The following NUP98 variants were observed in gnomAD, a reference collection of about 807,000 sequenced individuals.
NUP98 encodes the protein nucleoporin 98 and 96 precursor.
In NUP98, 26 loss-of-function variants were observed where a neutral mutation model predicts 191.9. That is an observed-to-expected ratio of 0.14 (90% CI 0.10 to 0.19). The LOEUF (loss-of-function observed/expected upper bound fraction) is 0.19. Among genes scored for constraint, NUP98 ranks in the 10% least tolerant of loss-of-function variants. NUP98 has a pLI of 1.00. For synonymous variants in NUP98, 808 were observed against 778.4 expected, an observed-to-expected ratio of 1.04 and a Z score of -0.63; for missense variants, 1,941 against 2,178.8, an observed-to-expected ratio of 0.89 and a Z score of 2.17.
intron 10 of NUP98, among the ~76,000 whole-genome samples, chr11:3,754,394 C>T (rs1319766316): frequency 6.6e-6 from 1 of 151,884 alleles, no homozygotes; most frequent in Non-Finnish European, 1.5e-5. Context: ...CCACTGCACT[C>T]TAGCATGGAT....
At chr11:3,698,725 C>CA (rs549214359) in intron 25 of NUP98, among the ~76,000 whole-genome samples, 3,490 of 35,672 alleles carry the variant, frequency 0.098, 541 homozygotes, top group African/African-American at 0.15. Flanking sequence ...GAAACTGTCT[C>CA]AAAAAAAAAA....
intron 30 of NUP98, among the ~76,000 whole-genome samples, chr11:3,681,739 A>G (rs1471941958): frequency 6.6e-6 from 1 of 152,178 alleles, no homozygotes; most frequent in Non-Finnish European, 1.5e-5. Flanking sequence ...TAGATTCAGC[A>G]TAATTCTTAA....
intron 8 of NUP98, among the ~76,000 whole-genome samples, chr11:3,766,507 T>C (rs1290106029): frequency 6.6e-6 from 1 of 151,876 alleles, no homozygotes; most frequent in African/African-American, 2.4e-5. Context: ...CTGACCAACA[T>C]AGTGAAACCC....
At chr11:3,751,766 G>A (rs1487916055) in intron 11 of NUP98, among the ~76,000 whole-genome samples, 1 of 152,224 alleles carries the variant, frequency 6.6e-6, no homozygotes, top group East Asian at 1.9e-4. Context: ...GGCTGAGGTG[G>A]GAGGATGGTT....
chr11:3,676,047 G>C lies in NUP98; in HGVS notation c.*112C>G. On this transcript the variant is annotated 3_prime_UTR_variant, in exon 33 of 33. Transcript: ENST00000324932. ...GCTGCTTCTGGCAGCAGGGAGGGAG[G>C]GTAGATGCCACAGCCAACCCAGAGA... 1 of 958,828 alleles carries C rather than the reference G, an allele frequency of 1.0e-6. No homozygotes were observed. The highest frequency in any genetic ancestry group is 2.1e-5 in the Admixed American group (1 of 46,546). The allele number at this position is 958,828 out of a possible 1,614,324, so 59.4% of individuals were successfully genotyped here. A position where few individuals can be genotyped will look rare whatever the true frequency, so the allele number is the denominator to read the frequency against.
intron 14 of NUP98, among the ~76,000 whole-genome samples, chr11:3,728,048 T>C (rs2079689869): frequency 6.6e-6 from 1 of 151,878 alleles, no homozygotes; most frequent in Non-Finnish European, 1.5e-5. Flanking sequence ...CCAAAAATAG[T>C]GTCGCAAGAG....
chr11:3,794,670 G>A (rs924032098), intron 1 of NUP98, among the ~76,000 whole-genome samples: 7 of 152,146 alleles, frequency 4.6e-5, no homozygotes, highest in African/African-American at 2.4e-5. Context: ...AGGCTGGAAA[G>A]CAGTGGTGCA....
At chr11:3,776,389 T>C (rs2081732492) in intron 4 of NUP98, among the ~76,000 whole-genome samples, 1 of 152,072 alleles carries the variant, frequency 6.6e-6, no homozygotes, top group African/African-American at 2.4e-5. Flanking sequence ...AATCCTAAAG[T>C]GTTGGGATTA....
In NUP98 at chr11:3,706,546, A is replaced by T. The variant is rs2078866708; in HGVS notation, c.2824T>A (p.Leu942Met). The T allele has an allele frequency of 6.2e-7, 1 of 1,614,044 alleles. No homozygotes were observed. The highest frequency in any genetic ancestry group is 1.3e-5 in the African/African-American group (1 of 74,934). The stretch of plus-strand genomic sequence containing the variant: ...ATGCTCTCTTCTAACATGGTATCCA[A>T]AACTGGCTCCTGGGTGATATCTACC... ...DMVDITQEPV[L>M]DTMLEESMPE... The change falls in exon 21 of 33, where the codon TTG (leucine) becomes ATG (methionine). Residue 942 changes from leucine to methionine, a missense_variant. Coordinates refer to ENST00000324932, the MANE Select transcript of NUP98 (RefSeq NM_016320.5).
In NUP98 at chr11:3,695,695, C is replaced by T. The variant is rs375910208; in HGVS notation, c.4010-89G>A. The T allele has an allele frequency of 3.5e-5, 33 of 938,464 alleles. No homozygotes were observed. The African/African-American group carries it at 4.4e-4, about 13-fold the overall frequency. 58.1% of individuals were successfully genotyped at this position (938,464 alleles called of 1,614,324 possible). A position where few individuals can be genotyped will look rare whatever the true frequency, so the allele number is the denominator to read the frequency against. ...GGGGCATTATCTTCATTTCTTCCAG[C>T]CTTCAGAAGGGAGGATTTAACATTG... On this transcript the variant is annotated intron_variant, in intron 25 of 32. Coordinates refer to ENST00000324932, the MANE Select transcript of NUP98 (RefSeq NM_016320.5).
At chr11:3,781,046 C>T (rs892705929) in intron 2 of NUP98, among the ~76,000 whole-genome samples, 1 of 151,776 alleles carries the variant, frequency 6.6e-6, no homozygotes, top group Non-Finnish European at 1.5e-5. Flanking sequence ...ATGAGCCAGG[C>T]GTGGTGGTGT....
chr11:3,745,894 G>A (rs964946425), intron 11 of NUP98, among the ~76,000 whole-genome samples: 23 of 152,180 alleles, frequency 1.5e-4, no homozygotes, highest in African/African-American at 5.1e-4. Context: ...AGAACAGAAA[G>A]TTTATACCAA....
intron 20 of NUP98, among the ~76,000 whole-genome samples, chr11:3,707,775 CT>C (rs1222031797): frequency 8.5e-6 from 1 of 117,814 alleles, no homozygotes; most frequent in Non-Finnish European, 1.7e-5. Context: ...GGAAAAAGCC[CT>C]GGTAATGACA....
At chr11:3,735,833 C>CTG (rs76254248) in intron 12 of NUP98, among the ~76,000 whole-genome samples, 2,460 of 138,330 alleles carry the variant, frequency 0.018, 39 homozygotes, top group African/African-American at 0.033. Context: ...AGGGCAAATA[C>CTG]TGTGTGTGTG....
intron 15 of NUP98, among the ~76,000 whole-genome samples, chr11:3,724,345 G>C (rs1589812576): frequency 6.6e-6 from 1 of 150,894 alleles, no homozygotes; most frequent in South Asian, 2.1e-4. Flanking sequence ...TGAGGCAGGA[G>C]AATTGCTTGA....
Position 3,683,183 on chromosome 11 carries a change from T to C in NUP98, c.4918+17A>G, listed in dbSNP as rs538751889. ...GAATTTGGGGTGATTCCAGGAGATG[T>C]GGAACCCAGCACTCACCAGAAGCTA... On this transcript the variant is annotated intron_variant, in intron 30 of 32. Transcript: ENST00000324932. 6.2e-7 allele frequency: 1 copy of C among 1,613,674 alleles called. No homozygotes were observed. Among genetic ancestry groups the C allele is most frequent in the South Asian group, 1.1e-5 (1 of 91,064 alleles).
chr11:3,733,086 C>T (rs1186193700), intron 13 of NUP98, among the ~76,000 whole-genome samples: 1 of 152,212 alleles, frequency 6.6e-6, no homozygotes, highest in African/African-American at 2.4e-5. Flanking sequence ...TTTAACGCAT[C>T]TACTTCAATA....
Position 3,702,808 on chromosome 11 carries a change from G to A in NUP98, c.3167C>T (p.Ala1056Val), listed in dbSNP as rs1249020237. The change falls in exon 23 of 33, where the codon GCA (alanine) becomes GTA (valine). Residue 1056 changes from alanine (A) to valine (V), a missense_variant. Physicochemically the swap from Ala to Val is moderately conservative, Grantham distance 64 (BLOSUM62 0). Transcript: ENST00000324932. ...VSVQECRTPR[A>V]ASLMNIPSTS... is the part of the protein sequence containing the mutation. ...GGATGGGATATTCATTAAAGATGCT[G>A]CTCTGGGAGTACGACATTCTTGCAC... 3.1e-6 allele frequency: 5 copies of A among 1,613,994 alleles called. No individual in the cohort carries two copies.
At chr11:3,747,461 T>C (rs914015383) in intron 11 of NUP98, among the ~76,000 whole-genome samples, 1 of 152,158 alleles carries the variant, frequency 6.6e-6, no homozygotes, top group Non-Finnish European at 1.5e-5. Context: ...TGGTGTGCAA[T>C]TGATAGTGCT....
Sources: gnomAD v4.1 joint callset for allele counts (sites outside exome capture counted in the v4.1 genomes callset) on GRCh38, gnomAD v4.1.1 for gene constraint, MANE v1.5 for transcripts, NCBI Gene and HGNC (gene_info 2026-07-23, HGNC 2026-07-21) for gene names.